Variants in EYA1 observed in about 807,000 individuals in gnomAD.
EYA1 encodes protein phosphatase EYA1.
In EYA1, 16 loss-of-function variants were observed where a neutral mutation model predicts 82.0. The observed-to-expected ratio is 0.20, with a 90% confidence interval of 0.13 to 0.30. The LOEUF is 0.30. EYA1 is among the 10% of genes least tolerant of loss of function. EYA1 has a pLI of 1.00. For missense variants in EYA1, 633 were observed against 730.7 expected (o/e 0.87, Z 1.54); for synonymous variants, 261 against 264.4 (o/e 0.99, Z 0.12).
chr8:71,436,115 C>T (rs1805991533), intron 2 of EYA1, among the ~76,000 whole-genome samples: 2 of 152,130 alleles, frequency 1.3e-5, no homozygotes, highest in Non-Finnish European at 1.5e-5. Flanking sequence ...ATGGAAAGGC[C>T]TCAATATTCC....
Position 71,218,483 on chromosome 8 carries a change from C to T in EYA1, c.1141-1460G>A, listed in dbSNP as rs142946525. 1.6e-3 allele frequency among the ~76,000 whole-genome samples: 241 copies of T among 152,192 alleles called. 1 individual carries two copies. The highest frequency in any genetic ancestry group is 3.4e-3 in the Middle Eastern group (1 of 294). On this transcript the variant is annotated intron_variant, in intron 12 of 17. Transcript: ENST00000340726. The stretch of plus-strand genomic sequence containing the variant: ...TTCTCTAAAGCATCTATTTTCCAGG[C>T]AGCCCTCTCCCAGCACGCAGCAAGT...
intron 11 of EYA1, among the ~76,000 whole-genome samples, chr8:71,261,051 T>C (rs1046398538): frequency 2.6e-5 from 4 of 152,102 alleles, no homozygotes; most frequent in African/African-American, 9.7e-5. Context: ...ACATGAGTGG[T>C]TTATTTTTAA....
intron 12 of EYA1, among the ~76,000 whole-genome samples, chr8:71,226,102 G>C (rs1234290715): frequency 1.3e-5 from 2 of 152,174 alleles, no homozygotes; most frequent in Admixed American, 6.5e-5. Flanking sequence ...CTTAAGCTAT[G>C]TGCTGGTATA....
At position 71,361,624 on chromosome 8, in the gene EYA1, TCAAA is replaced by T. The variant is rs1302672837; in HGVS notation, c.-55+19_-55+22del. On this transcript the variant is annotated intron_variant, in intron 1 of 17. Coordinates refer to ENST00000340726, the MANE Select transcript of EYA1 (RefSeq NM_000503.6). ...AGCTGTTGTCAGTCACTACAATTTT[TCAAA>T]CAGTCAGCTTGTACTTACAGCGCTT... The T allele has an allele frequency of 7.2e-6, 7 of 978,814 alleles. No homozygotes were observed. The highest frequency in any genetic ancestry group is 1.8e-5 in the African/African-American group (1 of 57,142). 60.6% of individuals were successfully genotyped at this position (978,814 alleles called of 1,614,324 possible).
rs1263106208 is a variant in EYA1, at chr8:71,199,343, C to G, written c.1776G>C (p.Leu592=). The G allele has an allele frequency of 1.9e-6, 3 of 1,609,806 alleles. No homozygotes were observed. In the East Asian group the frequency reaches 6.7e-5, roughly 36 times the overall value. Residue 592 remains leucine (L), a synonymous_variant, in exon 18 of 18, where the codon CTG becomes CTC. Transcript: ENST00000340726. The part of the protein sequence containing the change: ...ALHHALELEY[L] ...GCTGTCAAAGTGCCGAGCGCTGTTA[C>G]AGGTACTCCAGTTCCAAGGCATGGT...
chr8:71,412,245 G>C (rs1044767001), intron 2 of EYA1, among the ~76,000 whole-genome samples: 1 of 105,560 alleles, frequency 9.5e-6, no homozygotes, highest in African/African-American at 3.5e-5. Context: ...GGGGGGAGGG[G>C]GGAGGGATAG....
At chr8:71,368,312 C>T (rs868277932) in intron 2 of EYA1, among the ~76,000 whole-genome samples, 3 of 151,940 alleles carry the variant, frequency 2.0e-5, no homozygotes, top group African/African-American at 4.8e-5. Context: ...CCCTCTGCTG[C>T]ACGATTATCA....
intron 12 of EYA1, among the ~76,000 whole-genome samples, chr8:71,227,094 T>C (rs1810652319): frequency 6.6e-6 from 1 of 152,090 alleles, no homozygotes; most frequent in African/African-American, 2.4e-5. Flanking sequence ...AGTATGAAGA[T>C]AAAAGACTAA....
At chr8:71,299,482 A>G (rs559758788) in intron 8 of EYA1, among the ~76,000 whole-genome samples, 156 bp downstream of exon 8, 1 of 152,244 alleles carries the variant, frequency 6.6e-6, no homozygotes, top group Non-Finnish European at 1.5e-5. Context: ...TGAAAACCAA[A>G]CAACTCACCA....
intron 3 of EYA1, among the ~76,000 whole-genome samples, chr8:71,350,155 T>C (rs561967126): frequency 1.3e-5 from 2 of 152,336 alleles, no homozygotes; most frequent in South Asian, 2.1e-4. Context: ...TATATTACCA[T>C]GTTTCTATTG....
chr8:71,234,613 G>A (rs1811609760), intron 12 of EYA1, among the ~76,000 whole-genome samples: 1 of 151,976 alleles, frequency 6.6e-6, no homozygotes, highest in South Asian at 2.1e-4. Context: ...CACCTACCTT[G>A]TGGAATTCTC....
chr8:71,535,628 G>T (rs1814653826), intron 2 of EYA1: 1 of 650,434 alleles, frequency 1.5e-6, no homozygotes, highest in Non-Finnish European at 2.5e-6. Flanking sequence ...ATTAAAAATT[G>T]GTACATTGGT....
intron 10 of EYA1, among the ~76,000 whole-genome samples, chr8:71,270,654 A>G (rs1246222292): frequency 6.6e-6 from 1 of 152,222 alleles, no homozygotes; most frequent in Admixed American, 6.5e-5. Context: ...AAAAAGCAGA[A>G]ACTTAGTTGC....
In EYA1 at chr8:71,396,101, G is replaced by A. The variant is rs182168630; in HGVS notation, c.34-39590C>T. Among the ~76,000 whole-genome samples the A allele has an allele frequency of 4.2e-3, 646 of 152,282 alleles. 6 individuals are homozygous for A. Among genetic ancestry groups the A allele is most frequent in the African/African-American group, 0.015 (622 of 41,544 alleles). On this transcript the variant is annotated intron_variant, in intron 2 of 18. Transcript: ENST00000643681. ...CGTAGAGGTGCTTATAGTATTCTCT[G>A]ATGGTAGTTTGTATTTCTGTGGGAT... is the stretch of plus-strand genomic sequence containing the variant.
chr8:71,455,827 T>A (rs889115194), intron 2 of EYA1, among the ~76,000 whole-genome samples: 2 of 152,154 alleles, frequency 1.3e-5, no homozygotes, highest in Admixed American at 1.3e-4. Context: ...ACTGGAAGCA[T>A]TCCCTTTGAA....
At chr8:71,303,172 T>C (rs1055112862) in intron 7 of EYA1, among the ~76,000 whole-genome samples, 2 of 142,138 alleles carry the variant, frequency 1.4e-5, no homozygotes, top group African/African-American at 2.5e-5. Context: ...ATCCGCTTTC[T>C]CAGAAAAGCC....
intron 2 of EYA1, among the ~76,000 whole-genome samples, chr8:71,437,081 GTTTA>G (rs1563613142): frequency 9.5e-6 from 1 of 105,368 alleles, no homozygotes; most frequent in Non-Finnish European, 2.0e-5. Flanking sequence ...TCTCCATCTT[GTTTA>G]TATATATATA....
intron 9 of EYA1, 104 bp downstream of exon 9, chr8:71,298,943 G>T (rs17783968): frequency 1.8e-6 from 2 of 1,106,544 alleles, no homozygotes; most frequent in East Asian, 2.4e-5. Context: ...CTTGCCAAAA[G>T]CTGCCAAAAT....
chr8:71,317,769 C>A (rs190940879), intron 6 of EYA1, 80 bp from the exon 7 acceptor site: 3 of 1,317,328 alleles, frequency 2.3e-6, no homozygotes. Flanking sequence ...CTTCCACAAC[C>A]GTTTAACTAC....
Sources: allele counts gnomAD v4.1 joint callset (sites outside exome capture counted in the v4.1 genomes callset), GRCh38; gene constraint gnomAD v4.1.1; transcripts MANE v1.5; gene names NCBI Gene and HGNC (gene_info 2026-07-23, HGNC 2026-07-21).